CDAN1: variants seen among roughly 807,000 people sequenced by gnomAD.
CDAN1 encodes codanin-1.
CDAN1 carries 107 observed loss-of-function variants against 139.8 expected under a neutral mutation model. That is an observed-to-expected ratio of 0.77 (90% CI 0.65 to 0.90). CDAN1 has a LOEUF of 0.90. CDAN1 is among the 40% of genes least tolerant of loss of function. The probability of loss-of-function intolerance (pLI) is 0.00; values close to 1 mark genes in which losing one functional copy is unlikely to be tolerated. For missense variants in CDAN1, 1,667 were observed against 1,575.7 expected, an observed-to-expected ratio of 1.06 and a Z score of -0.98; for synonymous variants, 776 against 660.6, an observed-to-expected ratio of 1.17 and a Z score of -2.68.
At chr15:42,735,409 G>A (rs990026718) in intron 4 of CDAN1, 35 bp from the exon 5 acceptor site, 4 of 1,591,232 alleles carry the variant, frequency 2.5e-6, no homozygotes, top group Non-Finnish European at 2.6e-6. Context: ...CATGGTATGG[G>A]CACCATTTGG....
Position 42,728,012 on chromosome 15 carries a change from T to C in CDAN1, c.2890A>G (p.Ile964Val), listed in dbSNP as rs2061554880. 5 of 1,613,702 alleles carry C rather than the reference T, an allele frequency of 3.1e-6. No homozygotes were observed. Among genetic ancestry groups the C allele is most frequent in the Non-Finnish European group, 3.4e-6 (4 of 1,179,890 alleles). The change falls in exon 22 of 28, where the codon ATT (isoleucine) becomes GTT (valine). Residue 964 changes from isoleucine to valine, a missense_variant. Coordinates refer to ENST00000356231, the MANE Select transcript of CDAN1 (RefSeq NM_138477.4). ...TTCTCTGTTGCAAGCCCCACAGCAA[T>C]GTTCTCTGCACTGCTCAGAACCTGC... ...PAAVLSSAEN[I>V]AVGLATEKAC... is the part of the protein sequence containing the mutation.
At chr15:42,728,182 T>G (rs753079849) in intron 21 of CDAN1, 22 bp downstream of exon 21, 5 of 1,611,480 alleles carry the variant, frequency 3.1e-6, no homozygotes. Context: ...GCCTGCTAGC[T>G]GCAGGCCTCC....
chr15:42,730,657 A>G lies in CDAN1; in HGVS notation c.2115T>C (p.His705=), dbSNP rs201407244. Residue 705 remains histidine (H), a synonymous_variant, in exon 14 of 28, where the codon CAT becomes CAC. Coordinates refer to ENST00000356231, the MANE Select transcript of CDAN1 (RefSeq NM_138477.4). The part of the protein sequence containing the change: ...WLVEFLSFAD[H]VVPLLEYYRD... ...GGTAATATTCCAGCAAGGGAACAAC[A>G]TGGTCAGCAAAGGAGAGAAACTCCA... is the stretch of plus-strand genomic sequence containing the variant. 1.0e-4 allele frequency: 168 copies of G among 1,614,178 alleles called. No individual in the cohort carries two copies. Among genetic ancestry groups the G allele is most frequent in the Middle Eastern group, 1.6e-4 (1 of 6,062 alleles).
At chr15:42,736,235 G>A (rs552437769) in intron 2 of CDAN1, 67 bp downstream of exon 2, 16 of 1,601,456 alleles carry the variant, frequency 1.0e-5, no homozygotes, top group African/African-American at 2.7e-5. Context: ...GCGGAGCGCC[G>A]AGCTCGAATG....
At chr15:42,734,810 G>A in intron 6 of CDAN1, among the ~76,000 whole-genome samples, 1 of 146,844 alleles carries the variant, frequency 6.8e-6, no homozygotes. Flanking sequence ...GTGGAGATGG[G>A]ATTTTGTCAT....
Position 42,730,972 on chromosome 15 carries a change from GAGGTTC to G in CDAN1, c.1954_1959del (p.Glu652_Pro653del). On this transcript the variant is annotated inframe_deletion, in exon 13 of 28. Transcript: ENST00000356231. ...GAGTCCTGAAGCTCACCGGTCGGGG[GAGGTTC>G]AGGCCCCCGGTATGGCAGGAAAGCC... is the stretch of plus-strand genomic sequence containing the variant. 6.2e-7 allele frequency: 1 copy of G among 1,614,166 alleles called. No homozygotes were observed. The highest frequency in any genetic ancestry group is 1.3e-5 in the African/African-American group (1 of 75,036).
intron 3 of CDAN1, 41 bp downstream of exon 3, chr15:42,735,834 C>T (rs979619594): frequency 3.7e-6 from 6 of 1,609,436 alleles, no homozygotes; most frequent in Non-Finnish European, 5.1e-6. Flanking sequence ...AGATCCCCCA[C>T]AGCGAGGAAA....
At chr15:42,728,995 G>A in intron 19 of CDAN1, 28 bp downstream of exon 19, 6 of 1,606,898 alleles carry the variant, frequency 3.7e-6, no homozygotes, top group Non-Finnish European at 5.1e-6. Context: ...GTAGGGCGAT[G>A]AGACCAGGAT....
In CDAN1 at chr15:42,734,322, C is replaced by T. The variant is rs1481004253; in HGVS notation, c.1161G>A (p.Gly387=). The T allele has an allele frequency of 6.2e-7, 1 of 1,613,990 alleles. No homozygotes were observed. Among genetic ancestry groups the T allele is most frequent in the Non-Finnish European group, 8.5e-7 (1 of 1,180,034 alleles). ...HFQVLSNLDK[G]TLKLLAENER... ...CATTCTCAGCCAGCAGCTTCAAGGT[C>T]CCTTTGTCCAGGTTGGAAAGAACCC... is the stretch of plus-strand genomic sequence containing the variant. The change falls in exon 7 of 28, where the codon GGG becomes GGA. Residue 387 remains glycine, a synonymous_variant. Coordinates refer to ENST00000356231, the MANE Select transcript of CDAN1 (RefSeq NM_138477.4).
At chr15:42,727,587 C>A (rs2061546406) in intron 23 of CDAN1, 34 bp downstream of exon 23, 1 of 1,502,238 alleles carries the variant, frequency 6.7e-7, no homozygotes, top group South Asian at 1.3e-5. Flanking sequence ...GGGGTGGGAG[C>A]AGGGAAGCCA....
At chr15:42,728,098 TCGAGCACTGAC>T in intron 21 of CDAN1, 65 bp from the exon 22 acceptor site, 1 of 1,587,614 alleles carries the variant, frequency 6.3e-7, no homozygotes, top group Non-Finnish European at 8.6e-7. Context: ...GATGCCAGAG[TCGAGCACTGAC>T]CCCGCCCCCA....
intron 26 of CDAN1, 65 bp downstream of exon 26, chr15:42,725,424 T>C (rs1453518214): frequency 6.3e-7 from 1 of 1,595,356 alleles, no homozygotes; most frequent in East Asian, 2.2e-5. Context: ...AGCTCATAGT[T>C]TGGGGCAAGG....
At position 42,731,849 on chromosome 15, in the gene CDAN1, A is replaced by G. The variant is rs766614045; in HGVS notation, c.1534-24T>C. ...ATCTAGGGTGGAAGAGGAAGGAGAGAAATTAAAAAAATCAGCAAGTGGGAG... is the reference window on the plus strand; with the variant it reads ...ATCTAGGGTGGAAGAGGAAGGAGAGGAATTAAAAAAATCAGCAAGTGGGAG... On this transcript the variant is annotated intron_variant, in intron 10 of 27. Transcript: ENST00000356231. The G allele has an allele frequency of 6.2e-6, 10 of 1,611,364 alleles. No homozygotes were observed. In the African/African-American group the frequency reaches 1.1e-4, roughly 17 times the overall value.
chr15:42,725,816 C>A (rs551805075), intron 25 of CDAN1, 146 bp from the exon 26 acceptor site: 2 of 871,054 alleles, frequency 2.3e-6, no homozygotes, highest in Admixed American at 2.7e-5. Flanking sequence ...AACCCCATCT[C>A]TATTAAAAAT....
At chr15:42,728,853 T>G in intron 19 of CDAN1, 43 bp from the exon 20 acceptor site, 1 of 1,613,402 alleles carries the variant, frequency 6.2e-7, no homozygotes, top group Non-Finnish European at 8.5e-7. Context: ...GGAGGGTTAA[T>G]CGGAAAGAGG....
chr15:42,736,959 T>G (rs1182035364), intron 1 of CDAN1, 54 bp downstream of exon 1: 1 of 1,511,700 alleles, frequency 6.6e-7, no homozygotes, highest in Non-Finnish European at 8.9e-7. Context: ...AGGGCTGGAC[T>G]CCACTGCGGG....
At position 42,723,951 on chromosome 15, in the gene CDAN1, C is replaced by T. The variant is rs1056947710; in HGVS notation, c.*540G>A. On this transcript the variant is annotated 3_prime_UTR_variant, in exon 28 of 28. Coordinates refer to ENST00000356231, the MANE Select transcript of CDAN1 (RefSeq NM_138477.4). ...CTTGAATTCCTGACCTCAGGCAGTC[C>T]GCCGACCTCAGGCCTCTCAAAGTGC... is the stretch of plus-strand genomic sequence containing the variant. The T allele has an allele frequency of 1.0e-4, 17 of 167,348 alleles. 1 individual carries two copies. The highest frequency in any genetic ancestry group is 2.9e-4 in the African/African-American group (12 of 41,566). 10.4% of individuals were successfully genotyped at this position (167,348 alleles called of 1,614,324 possible). A position where few individuals can be genotyped will look rare whatever the true frequency, so the allele number is the denominator to read the frequency against.
chr15:42,734,456 C>A (rs1701184770), intron 6 of CDAN1, 110 bp from the exon 7 acceptor site: 2 of 1,350,978 alleles, frequency 1.5e-6, no homozygotes, highest in Non-Finnish European at 2.1e-6. Flanking sequence ...GTATGCAAGC[C>A]CAGATATGTA....
In CDAN1 at chr15:42,728,212, G is replaced by A. The variant is rs1595852974; in HGVS notation, c.2860C>T (p.Pro954Ser). The change falls in exon 21 of 28, where the codon CCG (proline) becomes TCG (serine). Residue 954 changes from proline (P) to serine (S), a missense_variant. Physicochemically the swap from Pro to Ser is moderately conservative, Grantham distance 74. Coordinates refer to ENST00000356231, the MANE Select transcript of CDAN1 (RefSeq NM_138477.4). ...GCCTCCCTCACACGTACGGCTGCCG[G>A]GGTCTCCTCTGGAAGCAGCGCCCGC... ...AVRALLPEET[P>S]AAVLSSAENI... The A allele has an allele frequency of 3.7e-6, 6 of 1,613,610 alleles. No homozygotes were observed. The highest frequency in any genetic ancestry group is 4.5e-5 in the East Asian group (2 of 44,878).
Sources: gnomAD v4.1 joint callset for allele counts (sites outside exome capture counted in the v4.1 genomes callset) on GRCh38, gnomAD v4.1.1 for gene constraint, MANE v1.5 for transcripts, NCBI Gene and HGNC (gene_info 2026-07-23, HGNC 2026-07-21) for gene names.